SLC22A23: variants seen among roughly 807,000 people sequenced by gnomAD.
The protein encoded by SLC22A23 is solute carrier family 22 member 23.
Under a neutral mutation model 61.0 loss-of-function variants are expected in SLC22A23, and 26 were observed. That is an observed-to-expected ratio of 0.43 (90% CI 0.31 to 0.59). The LOEUF is 0.59. SLC22A23 is among the 20% of genes least tolerant of loss of function. SLC22A23 has a pLI of 0.11. For synonymous variants in SLC22A23, 430 were observed against 413.9 expected, an observed-to-expected ratio of 1.04 and a Z score of -0.47; for missense variants, 796 against 934.7, an observed-to-expected ratio of 0.85 and a Z score of 1.94.
chr6:3,311,729 G>C (rs1297951350), intron 4 of SLC22A23: 2 of 152,208 alleles, frequency 1.3e-5, no homozygotes, highest in Non-Finnish European at 2.9e-5. Flanking sequence ...AAATGACTAT[G>C]CTGCTAATTT....
At position 3,269,490 on chromosome 6, in the gene SLC22A23, C is replaced by T. The variant is rs1011947941; in HGVS notation, c.*3565G>A. The T allele has an allele frequency of 6.5e-6, 1 of 152,792 alleles. No homozygotes were observed. 9.5% of individuals were successfully genotyped at this position (152,792 alleles called of 1,614,324 possible). A position where few individuals can be genotyped will look rare whatever the true frequency, so the allele number is the denominator to read the frequency against. ...ATGGGGCAACGTTTTTATTTCTGTA[C>T]ATTTACATACAAATTTTCCCCAAAG... On this transcript the variant is annotated 3_prime_UTR_variant, in exon 10 of 10. Transcript: ENST00000406686.
chr6:3,358,416 C>T (rs1280771038), intron 3 of SLC22A23, among the ~76,000 whole-genome samples: 3 of 152,130 alleles, frequency 2.0e-5, no homozygotes, highest in Non-Finnish European at 4.4e-5. Context: ...AATTCTGACA[C>T]GTACGACACG....
At chr6:3,295,435 T>G (rs9378358) in intron 5 of SLC22A23, among the ~76,000 whole-genome samples, 29,841 of 151,936 alleles carry the variant, frequency 0.2, 4,785 homozygotes, top group African/African-American at 0.43. Flanking sequence ...GCCTCTGCAG[T>G]GGCCTGGAGG....
rs189184106 is a variant in SLC22A23, at chr6:3,279,402, T to C, written c.1703+4450A>G. 7.5e-3 allele frequency among the ~76,000 whole-genome samples: 1,124 copies of C among 148,982 alleles called. 7 individuals are homozygous for C. Among genetic ancestry groups the C allele is most frequent in the Middle Eastern group, 0.028 (8 of 290 alleles). The stretch of plus-strand genomic sequence containing the variant: ...GGCGCGTGCACGTAATCCCAGCTGC[T>C]TGGGAGGCTGAGGCAGGAGAATCAC... On this transcript the variant is annotated intron_variant, in intron 9 of 9. Coordinates refer to ENST00000406686, the MANE Select transcript of SLC22A23 (RefSeq NM_015482.2).
intron 3 of SLC22A23, among the ~76,000 whole-genome samples, chr6:3,353,570 G>A (rs892737953): frequency 4.6e-5 from 7 of 152,106 alleles, no homozygotes; most frequent in African/African-American, 1.2e-4. Context: ...TAGGAAAACA[G>A]TTCAGCTGCA....
chr6:3,401,424 A>C (rs1192913892), intron 3 of SLC22A23, among the ~76,000 whole-genome samples: 1 of 144,266 alleles, frequency 6.9e-6, no homozygotes, highest in African/African-American at 2.9e-5. Flanking sequence ...TGCCACAGTA[A>C]AAAAAAAATA....
chr6:3,306,064 C>T (rs761575554), intron 4 of SLC22A23, among the ~76,000 whole-genome samples: 8 of 151,162 alleles, frequency 5.3e-5, no homozygotes, highest in Non-Finnish European at 1.2e-4. Flanking sequence ...ATCTGCTCTC[C>T]TTCTGGTGAG....
chr6:3,320,121 G>A (rs1031511827), intron 4 of SLC22A23, among the ~76,000 whole-genome samples: 1 of 152,190 alleles, frequency 6.6e-6, no homozygotes, highest in African/African-American at 2.4e-5. Context: ...GAGTCCTCAC[G>A]CTTCTCTCTG....
chr6:3,335,639 C>T (rs1287571032), intron 3 of SLC22A23, among the ~76,000 whole-genome samples: 1 of 152,224 alleles, frequency 6.6e-6, no homozygotes, highest in Non-Finnish European at 1.5e-5. Flanking sequence ...ACAGCTTGGA[C>T]TGGCAAATAG....
At position 3,298,024 on chromosome 6, in the gene SLC22A23, C is replaced by T. The variant is rs932672148; in HGVS notation, c.1210+67G>A. Reference sequence around the variant, plus strand: ...AAAACAGCTGTTTGTGCAACAAAACCAGCCCAGGTGTCAGGGACCTGCCCC... The same window carrying T: ...AAAACAGCTGTTTGTGCAACAAAACTAGCCCAGGTGTCAGGGACCTGCCCC... On this transcript the variant is annotated intron_variant, in intron 5 of 9. Transcript: ENST00000406686. 2.8e-6 allele frequency: 4 copies of T among 1,432,756 alleles called. No homozygotes were observed. The African/African-American group carries it at 5.9e-5, about 21-fold the overall frequency. 88.8% of individuals were successfully genotyped at this position (1,432,756 alleles called of 1,614,324 possible).
chr6:3,272,960 A>C lies in SLC22A23; in HGVS notation c.*95T>G. The C allele has an allele frequency of 1.7e-6, 2 of 1,176,386 alleles. No homozygotes were observed. The highest frequency in any genetic ancestry group is 2.4e-6 in the Non-Finnish European group (2 of 846,880). 72.9% of individuals were successfully genotyped at this position (1,176,386 alleles called of 1,614,324 possible). A position where few individuals can be genotyped will look rare whatever the true frequency, so the allele number is the denominator to read the frequency against. The stretch of plus-strand genomic sequence containing the variant: ...TTGAGAGGCTCAGCTTGGCTGAGGC[A>C]GCTTTCCCACCCCTGGCTGCGTGTT... On this transcript the variant is annotated 3_prime_UTR_variant, in exon 10 of 10. Transcript: ENST00000406686.
chr6:3,280,512 T>C (rs111477797), intron 9 of SLC22A23, among the ~76,000 whole-genome samples: 1,178 of 98,252 alleles, frequency 0.012, 22 homozygotes, highest in African/African-American at 0.031. Flanking sequence ...TTTTTTTTTT[T>C]TGAGATGGAG....
At chr6:3,416,172 C>T (rs965586120) in intron 1 of SLC22A23, among the ~76,000 whole-genome samples, 6 of 152,234 alleles carry the variant, frequency 3.9e-5, no homozygotes, top group South Asian at 2.1e-4. Flanking sequence ...TGGGCAGCCA[C>T]GGAGACCAGG....
At chr6:3,298,305 C>T (rs1761292853) in intron 4 of SLC22A23, 87 bp from the exon 5 acceptor site, 3 of 1,478,690 alleles carry the variant, frequency 2.0e-6, no homozygotes, top group South Asian at 1.4e-5. Flanking sequence ...CGGGAGCTTC[C>T]CAGGCAGGTG....
rs1763123872 is a variant in SLC22A23, at chr6:3,323,971, G to A, written c.945C>T (p.Phe315=). Residue 315 remains phenylalanine (F), a synonymous_variant, in exon 4 of 10, where the codon TTC becomes TTT. Transcript: ENST00000406686. Reference sequence around the variant, plus strand: ...CGAAGCTCGCCACCATCGTAATCATGAACCGTTTTCCAGGGGGGCACAGCT... The same window carrying A: ...CGAAGCTCGCCACCATCGTAATCATAAACCGTTTTCCAGGGGGGCACAGCT... ...RIELCPPGKR[F]MITMVASFVA... 6.2e-7 allele frequency: 1 copy of A among 1,614,104 alleles called. No individual in the cohort carries two copies. The highest frequency in any genetic ancestry group is 1.3e-5 in the African/African-American group (1 of 74,944).
chr6:3,377,119 A>G (rs1766622650), intron 3 of SLC22A23, among the ~76,000 whole-genome samples: 1 of 152,184 alleles, frequency 6.6e-6, no homozygotes, highest in African/African-American at 2.4e-5. Context: ...TTGTAAATAA[A>G]GCTTTATTGT....
At chr6:3,379,396 C>T (rs187605729) in intron 3 of SLC22A23, among the ~76,000 whole-genome samples, 5 of 152,296 alleles carry the variant, frequency 3.3e-5, no homozygotes, top group African/African-American at 1.2e-4. Context: ...TCAGAGTGTG[C>T]TTCTCATTGT....
chr6:3,269,977 TACTCTC>T lies in SLC22A23; in HGVS notation c.*3072_*3077del, dbSNP rs1758372905. On this transcript the variant is annotated 3_prime_UTR_variant, in exon 10 of 10. Transcript: ENST00000406686. Reference sequence around the variant, plus strand: ...CCCGTCTTCCAGATGCAGGTGATCTTACTCTCAGTAAACAAAAACATGTAACCTTTT... The same window carrying T: ...CCCGTCTTCCAGATGCAGGTGATCTTAGTAAACAAAAACATGTAACCTTTT... 1 of 152,812 alleles carries T rather than the reference TACTCTC, an allele frequency of 6.5e-6. No homozygotes were observed. The highest frequency in any genetic ancestry group is 1.5e-5 in the Non-Finnish European group (1 of 68,044). 9.5% of individuals were successfully genotyped at this position (152,812 alleles called of 1,614,324 possible).
chr6:3,287,191 A>C (rs1760097862), intron 6 of SLC22A23, 100 bp from the exon 7 acceptor site: 8 of 1,073,822 alleles, frequency 7.5e-6, no homozygotes, highest in Non-Finnish European at 9.6e-6. Context: ...GGAGATGAAG[A>C]AGCAACTCAA....
Sources: gnomAD v4.1 joint callset for allele counts (sites outside exome capture counted in the v4.1 genomes callset) on GRCh38, gnomAD v4.1.1 for gene constraint, MANE v1.5 for transcripts, NCBI Gene and HGNC (gene_info 2026-07-23, HGNC 2026-07-21) for gene names.